The following HMG20B variants were observed in gnomAD, a reference collection of about 807,000 sequenced individuals.
The protein encoded by HMG20B is high mobility group 20B.
In HMG20B, 24 loss-of-function variants were observed where a neutral mutation model predicts 41.6. The observed-to-expected ratio is 0.58, with a 90% CI of 0.42 to 0.81. HMG20B has a LOEUF of 0.81. HMG20B is among the 30% of genes least tolerant of loss of function. The pLI is 0.00. For missense variants in HMG20B, 461 were observed against 444.0 expected, an observed-to-expected ratio of 1.04 and a Z score of -0.34; for synonymous variants, 251 against 186.6, an observed-to-expected ratio of 1.34 and a Z score of -2.81.
chr19:3,574,247 A>G (rs1599853965), intron 3 of HMG20B, 136 bp from the exon 4 acceptor site: 1 of 802,908 alleles, frequency 1.2e-6, no homozygotes, highest in East Asian at 2.7e-5. Flanking sequence ...CCCTACCTCC[A>G]TCTTTTCCGG....
chr19:3,576,441 G>C lies in HMG20B; in HGVS notation c.520-112G>C, dbSNP rs1250408678. ...GCCACTGCACCGTGGGATCGCTGTTGATTGTACTCCCACCGGGGTGTCCCA... is the reference window on the plus strand; with the variant it reads ...GCCACTGCACCGTGGGATCGCTGTTCATTGTACTCCCACCGGGGTGTCCCA... On this transcript the variant is annotated intron_variant, in intron 6 of 9. Coordinates refer to ENST00000333651, the MANE Select transcript of HMG20B (RefSeq NM_006339.3). 1.4e-5 allele frequency: 19 copies of C among 1,332,176 alleles called. No individual in the cohort carries two copies. The East Asian group carries it at 4.2e-4, about 29-fold the overall frequency. The allele number at this position is 1,332,176 out of a possible 1,614,324, so 82.5% of individuals were successfully genotyped here. A position where few individuals can be genotyped will look rare whatever the true frequency, so the allele number is the denominator to read the frequency against.
At position 3,572,995 on chromosome 19, in the gene HMG20B, G is replaced by A; in HGVS notation, c.-19+1G>A. The A allele has an allele frequency of 5.6e-6, 2 of 358,272 alleles. No individual in the cohort carries two copies. The highest frequency in any genetic ancestry group is 1.0e-5 in the Non-Finnish European group (2 of 196,812). 22.2% of individuals were successfully genotyped at this position (358,272 alleles called of 1,614,324 possible). A position where few individuals can be genotyped will look rare whatever the true frequency, so the allele number is the denominator to read the frequency against. On this transcript the variant is annotated splice_donor_variant, in intron 1 of 9. Transcript: ENST00000333651. LOFTEE classifies it low-confidence loss of function (5UTR_SPLICE). Reference sequence around the variant, plus strand: ...GAGGTCCGGGAAAGTTTCTTTGGAGGTGAAAACAGCCGCGGAACTCCGGGC... The same window carrying A: ...GAGGTCCGGGAAAGTTTCTTTGGAGATGAAAACAGCCGCGGAACTCCGGGC...
chr19:3,573,217 GC>G, intron 1 of HMG20B, 74 bp from the exon 2 acceptor site: 1 of 1,262,954 alleles, frequency 7.9e-7, no homozygotes, highest in East Asian at 3.0e-5. Flanking sequence ...GCTCTCCATC[GC>G]GGGGTACCCC....
At position 3,574,502 on chromosome 19, in the gene HMG20B, C is replaced by T. The variant is rs1435879467; in HGVS notation, c.267C>T (p.Arg89=). The T allele has an allele frequency of 6.2e-7, 1 of 1,606,404 alleles. No homozygotes were observed. Among genetic ancestry groups the T allele is most frequent in the African/African-American group, 1.3e-5 (1 of 74,834 alleles). Residue 89 remains arginine, a synonymous_variant, in exon 4 of 10, where the codon CGC becomes CGT. Transcript: ENST00000333651. Reference sequence around the variant, plus strand: ...TGAACGAGCGGCGCGAGCAGATCCGCACGCGCCACCCGGATCTGCCCTTTC... The same window carrying T: ...TGAACGAGCGGCGCGAGCAGATCCGTACGCGCCACCCGGATCTGCCCTTTC... ...RFLNERREQI[R]TRHPDLPFPE...
At chr19:3,575,997 G>A in intron 5 of HMG20B, 1 of 566,570 alleles carries the variant, frequency 1.8e-6, no homozygotes, top group Non-Finnish European at 3.1e-6. Flanking sequence ...GCCGGTGCGA[G>A]CAGTTGGGGT....
chr19:3,573,161 GC>G, intron 1 of HMG20B, 130 bp from the exon 2 acceptor site: 1 of 669,746 alleles, frequency 1.5e-6, no homozygotes, highest in Non-Finnish European at 2.3e-6. Flanking sequence ...GGACTTCCCT[GC>G]CCCTGGATCC....
intron 1 of HMG20B, 37 bp downstream of exon 1, chr19:3,573,031 G>GGCGGGGGT: frequency 2.4e-6 from 1 of 410,796 alleles, no homozygotes; most frequent in Non-Finnish European, 4.4e-6. Context: ...CCTGAGAGGG[G>GGCGGGGGT]GCGGGGGTGC....
Position 3,578,157 on chromosome 19 carries a change from G to A in HMG20B, c.941+44G>A, listed in dbSNP as rs746919457. On this transcript the variant is annotated intron_variant, in intron 9 of 9. Transcript: ENST00000333651. ...GGGGCGGGGCCGGGGTTCAAGGCCC[G>A]GATGTGCCCGCCCTGGGGTTCCCCA... is the stretch of plus-strand genomic sequence containing the variant. 6.9e-6 allele frequency: 11 copies of A among 1,592,984 alleles called. 1 individual carries two copies. In the South Asian group the frequency reaches 1.1e-4, roughly 16 times the overall value.
intron 2 of HMG20B, 82 bp from the exon 3 acceptor site, chr19:3,573,610 G>C (rs2032088836): frequency 8.0e-7 from 1 of 1,256,698 alleles, no homozygotes; most frequent in Middle Eastern, 2.7e-4. Context: ...CCCCGCCGTC[G>C]GGGGTCAAAA....
Position 3,578,833 on chromosome 19 carries a change from C to T in HMG20B, c.*312C>T, listed in dbSNP as rs201273819. 1.5e-5 allele frequency: 10 copies of T among 666,086 alleles called. No individual in the cohort carries two copies. Among genetic ancestry groups the T allele is most frequent in the Admixed American group, 5.7e-5 (3 of 52,222 alleles). 41.3% of individuals were successfully genotyped at this position (666,086 alleles called of 1,614,324 possible). On this transcript the variant is annotated 3_prime_UTR_variant, in exon 10 of 10. Transcript: ENST00000333651. ...GGCCACCCCCAGGACACAGGGCAGACGAAACCCACCCCCAGCACACGGCAG... is the reference window on the plus strand; with the variant it reads ...GGCCACCCCCAGGACACAGGGCAGATGAAACCCACCCCCAGCACACGGCAG...
intron 5 of HMG20B, 96 bp from the exon 6 acceptor site, chr19:3,576,165 G>C (rs1205090121): frequency 1.8e-6 from 2 of 1,084,384 alleles, no homozygotes; most frequent in Non-Finnish European, 2.8e-6. Context: ...CACTCAAGTG[G>C]GGAGCTGGAG....
intron 3 of HMG20B, chr19:3,574,049 G>GC: frequency 1.5e-6 from 1 of 658,336 alleles, no homozygotes; most frequent in Non-Finnish European, 2.7e-6. Flanking sequence ...ACTCCTTGGG[G>GC]GCGGCACCCT....
rs1265408788 is a variant in HMG20B, at chr19:3,577,083, A to T, written c.784A>T (p.Ser262Cys). The part of the protein sequence containing the change: ...LQAVRQALTA[S>C]FASLPVPGTG... ...GGCCGTGCGCCAGGCGCTCACCGCCAGCTTCGCCTCACTGCCGGTGCCGGG... is the reference window on the plus strand; with the variant it reads ...GGCCGTGCGCCAGGCGCTCACCGCCTGCTTCGCCTCACTGCCGGTGCCGGG... The change falls in exon 8 of 10, where the codon AGC becomes TGC. Residue 262 changes from serine (S) to cysteine (C), a missense_variant. Physicochemically the swap from Ser to Cys is moderately radical, Grantham distance 112 (BLOSUM62 -1). This residue lies in a region of HMG20B where 308 missense variants were observed against 283.4 expected (regional missense o/e 1.09). Coordinates refer to ENST00000333651, the MANE Select transcript of HMG20B (RefSeq NM_006339.3). 1 of 1,538,954 alleles carries T rather than the reference A, an allele frequency of 6.5e-7. No individual in the cohort carries two copies. Among genetic ancestry groups the T allele is most frequent in the South Asian group, 1.2e-5 (1 of 83,796 alleles).
chr19:3,574,357 C>G, intron 3 of HMG20B, 26 bp from the exon 4 acceptor site: 2 of 1,556,460 alleles, frequency 1.3e-6, no homozygotes, highest in Middle Eastern at 1.7e-4. Context: ...AGGCCCCCCT[C>G]CCAACGACGC....
chr19:3,577,492 G>A (rs1159526684), intron 8 of HMG20B, among the ~76,000 whole-genome samples: 1 of 13,742 alleles, frequency 7.3e-5, no homozygotes, highest in Non-Finnish European at 1.3e-4. Context: ...CGCCCCCACC[G>A]CTCCCTACCG....
intron 8 of HMG20B, 96 bp from the exon 9 acceptor site, chr19:3,577,885 C>T: frequency 1.7e-6 from 2 of 1,178,748 alleles, no homozygotes; most frequent in Non-Finnish European, 1.2e-6. Flanking sequence ...TGAGCGCCCG[C>T]GCGACCCGCC....
rs1488031476 is a variant in HMG20B at position 3,578,715 on chromosome 19, G to A, written c.*194G>A. On this transcript the variant is annotated 3_prime_UTR_variant, in exon 10 of 10. Coordinates refer to ENST00000333651, the MANE Select transcript of HMG20B (RefSeq NM_006339.3). The stretch of plus-strand genomic sequence containing the variant: ...CAATCTCCCCAGCCCCCTGAACCCG[G>A]AAAAAGCACTCGCTGCGCGATACAC... 3 of 823,074 alleles carry A rather than the reference G, an allele frequency of 3.6e-6. No homozygotes were observed. Among genetic ancestry groups the A allele is most frequent in the Non-Finnish European group, 6.2e-6 (3 of 486,608 alleles). The allele number at this position is 823,074 out of a possible 1,614,324, so 51.0% of individuals were successfully genotyped here.
rs772065582 is a variant in HMG20B at position 3,574,499 on chromosome 19, C to T, written c.264C>T (p.Ile88=). ...TCCTGAACGAGCGGCGCGAGCAGATCCGCACGCGCCACCCGGATCTGCCCT... is the reference window on the plus strand; with the variant it reads ...TCCTGAACGAGCGGCGCGAGCAGATTCGCACGCGCCACCCGGATCTGCCCT... ...VRFLNERREQ[I]RTRHPDLPFP... is the part of the protein sequence containing the mutation. Residue 88 remains isoleucine (I), a synonymous_variant, in exon 4 of 10, where the codon ATC becomes ATT. Transcript: ENST00000333651. 1.2e-6 allele frequency: 2 copies of T among 1,606,818 alleles called. No individual in the cohort carries two copies. Among genetic ancestry groups the T allele is most frequent in the Middle Eastern group, 3.3e-4 (2 of 6,054 alleles).
intron 7 of HMG20B, 114 bp downstream of exon 7, chr19:3,576,739 C>T: frequency 3.2e-6 from 4 of 1,256,020 alleles, no homozygotes; most frequent in Non-Finnish European, 4.5e-6. Flanking sequence ...TCCCTATGAG[C>T]GTCCAGGCGC....
Sources: allele counts gnomAD v4.1 joint callset (sites outside exome capture counted in the v4.1 genomes callset), GRCh38; gene constraint gnomAD v4.1.1; regional missense constraint gnomAD v4.1.1; transcripts MANE v1.5; gene names NCBI Gene and HGNC (gene_info 2026-07-23, HGNC 2026-07-21).